MYO3B: variants seen among roughly 807,000 people sequenced by gnomAD.
MYO3B encodes myosin IIIB, also known as myosin-IIIb.
Under a neutral mutation model 174.6 loss-of-function variants are expected in MYO3B, and 156 were observed. The ratio of observed to expected loss-of-function variants is 0.89; its 90% CI spans 0.78 to 1.02. The LOEUF is 1.02. MYO3B is among the 50% of genes least tolerant of loss of function. MYO3B has a pLI of 0.00. For synonymous variants in MYO3B, 563 were observed against 569.1 expected (o/e 0.99, Z 0.15); for missense variants, 1,632 against 1,639.4 (o/e 1.00, Z 0.08).
At chr2:170,642,399 G>T (rs1257638592) in intron 32 of MYO3B, among the ~76,000 whole-genome samples, 1 of 152,172 alleles carries the variant, frequency 6.6e-6, no homozygotes, top group Non-Finnish European at 1.5e-5. Flanking sequence ...CAATTTTGAA[G>T]AAGATTGTTC....
chr2:170,293,465 A>G (rs962891559), intron 7 of MYO3B, among the ~76,000 whole-genome samples: 7 of 152,118 alleles, frequency 4.6e-5, no homozygotes, highest in East Asian at 1.9e-4. Context: ...AATGCTTCCA[A>G]TGTTTTCACA....
intron 1 of MYO3B, among the ~76,000 whole-genome samples, chr2:170,187,950 T>C (rs1487911151): frequency 6.6e-6 from 1 of 152,212 alleles, no homozygotes; most frequent in East Asian, 1.9e-4. Flanking sequence ...GCAGCCATTG[T>C]ATGAAATGTT....
At chr2:170,245,966 C>G (rs2093184759) in intron 7 of MYO3B, among the ~76,000 whole-genome samples, 1 of 152,120 alleles carries the variant, frequency 6.6e-6, no homozygotes, top group Non-Finnish European at 1.5e-5. Flanking sequence ...ATACCAGTGC[C>G]TGGGTACCAT....
intron 3 of MYO3B, among the ~76,000 whole-genome samples, chr2:170,213,725 T>G (rs575215512): frequency 1.5e-4 from 23 of 152,316 alleles, no homozygotes; most frequent in African/African-American, 5.1e-4. Flanking sequence ...ATAAAATTAG[T>G]GTTTTTAATT....
chr2:170,550,046 C>T (rs6433211), intron 32 of MYO3B, among the ~76,000 whole-genome samples: 116,629 of 152,156 alleles, frequency 0.77, 45,195 homozygotes, highest in African/African-American at 0.86. Flanking sequence ...CTGTCCCATA[C>T]CCAAATTCAT....
At chr2:170,238,511 A>G (rs1300350296) in intron 7 of MYO3B, among the ~76,000 whole-genome samples, 4 of 152,212 alleles carry the variant, frequency 2.6e-5, no homozygotes, top group Non-Finnish European at 5.9e-5. Flanking sequence ...CTTGTCAGTG[A>G]AACAATGAAA....
At chr2:170,512,475 C>T (rs561804347) in intron 28 of MYO3B, among the ~76,000 whole-genome samples, 2 of 152,300 alleles carry the variant, frequency 1.3e-5, no homozygotes, top group African/African-American at 4.8e-5. Flanking sequence ...GCCTTCTCTG[C>T]CAGATACAGT....
chr2:170,302,976 C>T (rs1464135091), intron 7 of MYO3B, among the ~76,000 whole-genome samples: 2 of 152,050 alleles, frequency 1.3e-5, no homozygotes, highest in East Asian at 3.8e-4. Context: ...TCTTTTCATT[C>T]TTGAGTCTAC....
chr2:170,636,307 T>C (rs767351617), intron 32 of MYO3B, among the ~76,000 whole-genome samples: 5 of 152,228 alleles, frequency 3.3e-5, no homozygotes, highest in Non-Finnish European at 7.4e-5. Context: ...CAGAGCACTT[T>C]GAAGATAACC....
Position 170,342,400 on chromosome 2 carries a change from TGCCTGGAGGTGGTGGCTCACACATTC to T in MYO3B, c.815+6955_815+6980del, listed in dbSNP as rs2093982550. 3.9e-5 allele frequency: 6 copies of T among 152,368 alleles called. No homozygotes were observed. In the South Asian group the frequency reaches 1.2e-3, roughly 32 times the overall value. 9.4% of individuals were successfully genotyped at this position (152,368 alleles called of 1,614,324 possible). A position where few individuals can be genotyped will look rare whatever the true frequency, so the allele number is the denominator to read the frequency against. ...GTGCTGCATTGTCTGTGTGTGCTTGTGCCTGGAGGTGGTGGCTCACACATTCGCCTCTCCCCAGAGTGCCGCCTGGA... is the reference window on the plus strand; with the variant it reads ...GTGCTGCATTGTCTGTGTGTGCTTGTGCCTCTCCCCAGAGTGCCGCCTGGA... On this transcript the variant is annotated intron_variant, in intron 8 of 34. Transcript: ENST00000408978.
At chr2:170,298,521 A>G (rs2093642391) in intron 7 of MYO3B, among the ~76,000 whole-genome samples, 1 of 151,896 alleles carries the variant, frequency 6.6e-6, no homozygotes, top group Non-Finnish European at 1.5e-5. Context: ...CTAAAAATAC[A>G]AAAATTAGCC....
At chr2:170,197,713 G>A (rs2092615939) in intron 1 of MYO3B, among the ~76,000 whole-genome samples, 1 of 128,906 alleles carries the variant, frequency 7.8e-6, no homozygotes, top group Non-Finnish European at 1.7e-5. Flanking sequence ...GCAGAGCTCA[G>A]TTTCTTCTTC....
intron 28 of MYO3B, among the ~76,000 whole-genome samples, chr2:170,506,389 A>T (rs1322697452): frequency 6.6e-6 from 1 of 152,218 alleles, no homozygotes; most frequent in Non-Finnish European, 1.5e-5. Flanking sequence ...GTGGGTTGGC[A>T]ATGATTAGGT....
At chr2:170,461,834 A>G (rs945358439) in intron 23 of MYO3B, among the ~76,000 whole-genome samples, 1 of 151,262 alleles carries the variant, frequency 6.6e-6, no homozygotes, top group African/African-American at 2.4e-5. Context: ...ATGTATATGT[A>G]TGGAGGTCGG....
chr2:170,258,675 T>G lies in MYO3B; in HGVS notation c.749+22539T>G, dbSNP rs572331040. Among the ~76,000 whole-genome samples, 179 of 152,276 alleles carry G rather than the reference T, an allele frequency of 1.2e-3. 6 individuals carry two copies. In the South Asian group the frequency reaches 0.036, roughly 31 times the overall value. On this transcript the variant is annotated intron_variant, in intron 7 of 34. Transcript: ENST00000408978. ...AGACAATGATGCCCACGTTCACTAC[T>G]TCTATATGTCATAGTATTGGAAGTT...
intron 22 of MYO3B, among the ~76,000 whole-genome samples, chr2:170,427,937 A>G (rs184900664): frequency 2.0e-5 from 3 of 152,354 alleles, no homozygotes; most frequent in East Asian, 1.9e-4. Flanking sequence ...GTACTTGCCA[A>G]TATGCAAACA....
At chr2:170,186,239 C>T (rs1208503439) in intron 1 of MYO3B, among the ~76,000 whole-genome samples, 4 of 152,052 alleles carry the variant, frequency 2.6e-5, no homozygotes, top group Non-Finnish European at 5.9e-5. Context: ...TCAATGTTTC[C>T]CCATTCAGTA....
rs2093335172 is a variant in MYO3B at position 170,260,214 on chromosome 2, G to A, written c.749+24078G>A. Among the ~76,000 whole-genome samples, 3 of 152,192 alleles carry A rather than the reference G, an allele frequency of 2.0e-5. No individual in the cohort carries two copies. In the South Asian group the frequency reaches 6.2e-4, roughly 32 times the overall value. On this transcript the variant is annotated intron_variant, in intron 7 of 34. Coordinates refer to ENST00000408978, the MANE Select transcript of MYO3B (RefSeq NM_138995.5). ...TTCAACCCAGCAATCCCATTACTGG[G>A]TATATGCCCAAAGGAAAAGAAATCA...
At chr2:170,403,490 A>G (rs1008331046) in intron 19 of MYO3B, among the ~76,000 whole-genome samples, 1 of 152,076 alleles carries the variant, frequency 6.6e-6, no homozygotes, top group African/African-American at 2.4e-5. Flanking sequence ...GAGTTTAATA[A>G]TAAATAAGAC....
Sources: gnomAD v4.1 joint callset for allele counts (sites outside exome capture counted in the v4.1 genomes callset) on GRCh38, gnomAD v4.1.1 for gene constraint, MANE v1.5 for transcripts, NCBI Gene and HGNC (gene_info 2026-07-23, HGNC 2026-07-21) for gene names.